EML2: variants seen among roughly 807,000 people sequenced by gnomAD.
EML2 encodes EMAP like 2.
EML2 carries 59 observed loss-of-function variants against 84.7 expected under a neutral mutation model. The ratio of observed to expected loss-of-function variants is 0.70; its 90% CI spans 0.56 to 0.86. EML2 has a LOEUF of 0.86. Ranked by LOEUF, EML2 falls within the 40% of genes least tolerant of loss-of-function variation. The pLI is 0.00. For missense variants in EML2, 818 were observed against 855.6 expected, an observed-to-expected ratio of 0.96 and a Z score of 0.55; for synonymous variants, 352 against 348.9, an observed-to-expected ratio of 1.01 and a Z score of -0.10.
In EML2 at chr19:45,634,506, T is replaced by G. The variant is rs192497062; in HGVS notation, c.180-35A>C. ...CCCAGGGGCTGGTTAAGGAATGTGT[T>G]TTGTTGTTGTTGTTTGTTTGTTTTG... On this transcript the variant is annotated intron_variant, in intron 3 of 18. Coordinates refer to ENST00000245925, the MANE Select transcript of EML2 (RefSeq NM_012155.4). 380 of 1,485,574 alleles carry G rather than the reference T, an allele frequency of 2.6e-4. 2 individuals carry two copies. The African/African-American group carries it at 4.7e-3, about 18-fold the overall frequency. The allele number at this position is 1,485,574 out of a possible 1,614,324, so 92.0% of individuals were successfully genotyped here.
intron 18 of EML2, among the ~76,000 whole-genome samples, chr19:45,612,451 G>A (rs1342616681): frequency 6.6e-6 from 1 of 152,206 alleles, no homozygotes; most frequent in African/African-American, 2.4e-5. Flanking sequence ...CTAAGGTGGA[G>A]AGGATTGCTC....
At chr19:45,613,447 C>T (rs1299152025) in intron 18 of EML2, 94 bp downstream of exon 18, 2 of 1,473,130 alleles carry the variant, frequency 1.4e-6, no homozygotes, top group African/African-American at 1.4e-5. Context: ...AACCGAGGCT[C>T]AGAGAAGGGG....
At chr19:45,642,423 T>C (rs1301847459), upstream of EML2, 6 of 1,483,502 alleles carry the variant, frequency 4.0e-6, no homozygotes, top group Non-Finnish European at 4.5e-6. Context: ...CCTCCCGCCT[T>C]CCTGGGTCTA....
At position 45,613,461 on chromosome 19, in the gene EML2, G is replaced by A. The variant is rs1449141683; in HGVS notation, c.1824+80C>T. ...AAACCGAGGCTCAGAGAAGGGGTGGGGTTGGACCAGAGCTGCCTGAATTTT... is the reference window on the plus strand; with the variant it reads ...AAACCGAGGCTCAGAGAAGGGGTGGAGTTGGACCAGAGCTGCCTGAATTTT... On this transcript the variant is annotated intron_variant, in intron 18 of 18. Transcript: ENST00000245925. 2.0e-6 allele frequency: 3 copies of A among 1,536,126 alleles called. No individual in the cohort carries two copies. In the African/African-American group the frequency reaches 4.1e-5, roughly 21 times the overall value.
At chr19:45,613,750 C>A (rs572980233) in intron 17 of EML2, 79 bp from the exon 18 acceptor site, 5 of 1,554,604 alleles carry the variant, frequency 3.2e-6, no homozygotes, top group Admixed American at 1.8e-5. Context: ...GCCACTCCAG[C>A]CACCTTAATT....
intron 13 of EML2, among the ~76,000 whole-genome samples, 200 bp downstream of exon 13, chr19:45,617,430 C>A (rs1239319599): frequency 6.7e-6 from 1 of 149,896 alleles, no homozygotes; most frequent in Non-Finnish European, 1.5e-5. Flanking sequence ...TAGTGGTGGG[C>A]GCCTGTAATC....
At chr19:45,625,159 G>A (rs1217292842) in intron 8 of EML2, among the ~76,000 whole-genome samples, 5 of 152,082 alleles carry the variant, frequency 3.3e-5, no homozygotes, top group Non-Finnish European at 7.4e-5. Flanking sequence ...TCCCCCTCCC[G>A]GGTTCAAACG....
upstream of EML2, chr19:45,639,966 C>T (rs1974265219): frequency 6.6e-6 from 1 of 151,920 alleles, no homozygotes; most frequent in South Asian, 2.1e-4. Context: ...TGCACTCCAG[C>T]CTGGGCAACG....
At chr19:45,645,134 T>C (rs1398312719), upstream of EML2, 2 of 1,002,580 alleles carry the variant, frequency 2.0e-6, no homozygotes, top group Non-Finnish European at 2.8e-6. Flanking sequence ...TGCTCTTGGG[T>C]CAGGGTCCTG....
At position 45,620,980 on chromosome 19, in the gene EML2, C is replaced by T. The variant is rs781281782; in HGVS notation, c.1122+227G>A. 21 of 661,464 alleles carry T rather than the reference C, an allele frequency of 3.2e-5. 1 individual carries two copies. Among genetic ancestry groups the T allele is most frequent in the South Asian group, 2.9e-4 (19 of 66,406 alleles). 41.0% of individuals were successfully genotyped at this position (661,464 alleles called of 1,614,324 possible). A position where few individuals can be genotyped will look rare whatever the true frequency, so the allele number is the denominator to read the frequency against. On this transcript the variant is annotated intron_variant, in intron 11 of 18. Transcript: ENST00000245925. ...AGGGTGCCACCCCCAATCAGAGTGGCAGGAGGCAGCACAGTTGGAGCAGGG... is the reference window on the plus strand; with the variant it reads ...AGGGTGCCACCCCCAATCAGAGTGGTAGGAGGCAGCACAGTTGGAGCAGGG...
At chr19:45,631,591 A>C (rs921625832) in intron 6 of EML2, among the ~76,000 whole-genome samples, 1 of 151,860 alleles carries the variant, frequency 6.6e-6, no homozygotes, top group Non-Finnish European at 1.5e-5. Context: ...TATTTTTAGT[A>C]GAGATGGGGT....
At chr19:45,625,845 C>T (rs899802720) in intron 8 of EML2, among the ~76,000 whole-genome samples, 19 of 151,974 alleles carry the variant, frequency 1.3e-4, no homozygotes, top group Non-Finnish European at 1.9e-4. Flanking sequence ...TCCATCATAT[C>T]GACAACCGCA....
intron 3 of EML2, among the ~76,000 whole-genome samples, chr19:45,635,576 C>A (rs909679686): frequency 5.2e-5 from 7 of 133,768 alleles, no homozygotes; most frequent in Admixed American, 7.7e-5. Context: ...AAATGAATGT[C>A]TGTTTCCTTT....
chr19:45,626,975 T>G, intron 7 of EML2, 136 bp from the exon 8 acceptor site: 1 of 851,714 alleles, frequency 1.2e-6, no homozygotes, highest in Non-Finnish European at 1.7e-6. Flanking sequence ...TTTTTTTTTT[T>G]TCAGGGCAGA....
At chr19:45,618,950 G>GAAA in intron 12 of EML2, 110 bp downstream of exon 12, 15 of 991,950 alleles carry the variant, frequency 1.5e-5, no homozygotes, top group African/African-American at 1.8e-5. Context: ...CCACCTCGAA[G>GAAA]AAAAAAAAAA....
intron 4 of EML2, 43 bp from the exon 5 acceptor site, chr19:45,633,182 G>C: frequency 6.3e-7 from 1 of 1,580,590 alleles, no homozygotes; most frequent in Non-Finnish European, 8.6e-7. Context: ...CAGTGGGAGA[G>C]AAGAGGCTCA....
chr19:45,631,352 T>C (rs1973003498), intron 6 of EML2, among the ~76,000 whole-genome samples: 1 of 152,178 alleles, frequency 6.6e-6, no homozygotes, highest in Non-Finnish European at 1.5e-5. Flanking sequence ...TTTTACTCCC[T>C]AATCCATTGA....
rs1265467550 is a variant in EML2, at chr19:45,619,169, C to A, written c.1145G>T (p.Gly382Val). ...LVQGHVEELW[G>V]LATHPSRAQF... ...GGCCCGACTGGGGTGTGTGGCCAGGCCCCACAGCTCTTCCACATGGCCCTG... is the reference window on the plus strand; with the variant it reads ...GGCCCGACTGGGGTGTGTGGCCAGGACCCACAGCTCTTCCACATGGCCCTG... The change falls in exon 12 of 19, where the codon GGC becomes GTC. Residue 382 changes from glycine (G) to valine (V), a missense_variant. Coordinates refer to ENST00000245925, the MANE Select transcript of EML2 (RefSeq NM_012155.4). 1 of 1,611,338 alleles carries A rather than the reference C, an allele frequency of 6.2e-7. No individual in the cohort carries two copies. The highest frequency in any genetic ancestry group is 8.5e-7 in the Non-Finnish European group (1 of 1,179,348).
upstream of EML2, chr19:45,641,681 T>A: frequency 1.3e-6 from 2 of 1,536,152 alleles, no homozygotes; most frequent in Non-Finnish European, 1.7e-6. Flanking sequence ...GAGGATGTGG[T>A]CCGGCTGCGG....
Sources: allele counts gnomAD v4.1 joint callset (sites outside exome capture counted in the v4.1 genomes callset), GRCh38; gene constraint gnomAD v4.1.1; transcripts MANE v1.5; gene names NCBI Gene and HGNC (gene_info 2026-07-23, HGNC 2026-07-21).